EZR: variants seen among roughly 807,000 people sequenced by gnomAD.
The protein encoded by EZR is ezrin.
EZR carries 40 observed loss-of-function variants against 74.8 expected under a neutral mutation model. The observed-to-expected ratio is 0.53, with a 90% CI of 0.42 to 0.70. The LOEUF (loss-of-function observed/expected upper bound fraction) is 0.70. EZR is among the 30% of genes least tolerant of loss of function. EZR has a pLI of 0.00. For synonymous variants in EZR, 341 were observed against 283.3 expected (o/e 1.20, Z -2.05); for missense variants, 678 against 755.8 (o/e 0.90, Z 1.21).
intron 2 of EZR, among the ~76,000 whole-genome samples, chr6:158,804,779 ATACTT>A (rs1399590842): frequency 6.8e-6 from 1 of 147,810 alleles, no homozygotes; most frequent in East Asian, 1.9e-4. Flanking sequence ...TTTTTTTATT[ATACTT>A]TAAGTTTTAG....
intron 2 of EZR, among the ~76,000 whole-genome samples, chr6:158,804,853 G>C (rs1040681528): frequency 6.7e-6 from 1 of 150,268 alleles, no homozygotes; most frequent in Admixed American, 6.6e-5. Context: ...ATGCTGGTGC[G>C]CTGCACCCAC....
At chr6:158,799,725 T>C (rs192591890) in intron 2 of EZR, among the ~76,000 whole-genome samples, 27 of 152,394 alleles carry the variant, frequency 1.8e-4, no homozygotes, top group African/African-American at 6.3e-4. Context: ...ACCAGCTTAG[T>C]GCAGAAATGC....
chr6:158,769,715 T>G (rs2128564629), intron 11 of EZR, 69 bp downstream of exon 11: 6 of 1,566,922 alleles, frequency 3.8e-6, no homozygotes, highest in Non-Finnish European at 5.2e-6. Flanking sequence ...ACAAGGCAGG[T>G]GTCACATTTT....
chr6:158,816,222 G>T (rs1777551007), intron 2 of EZR, among the ~76,000 whole-genome samples: 1 of 152,186 alleles, frequency 6.6e-6, no homozygotes, highest in South Asian at 2.1e-4. Context: ...AATCTGGGAA[G>T]ATAAAGTTCT....
At position 158,770,791 on chromosome 6, in the gene EZR, CAT is replaced by C; in HGVS notation, c.1061_1062del (p.Tyr354Ter). 1.9e-6 allele frequency: 3 copies of C among 1,614,188 alleles called. No homozygotes were observed. Among genetic ancestry groups the C allele is most frequent in the Non-Finnish European group, 2.5e-6 (3 of 1,180,034 alleles). On this transcript the variant is annotated frameshift_variant, in exon 10 of 14. Transcript: ENST00000367075. LOFTEE classifies it high-confidence loss of function. The stretch of plus-strand genomic sequence containing the variant: ...CTCTCTGCCTTCTTTGTCTTCTCCT[CAT>C]AGTCCTGCAGCCGCAGCATCAACTC... Reference protein sequence around the residue: ...KEELMLRLQDYEEKTKKAERE... With the variant: ...KEELMLRLQDXEEKTKKAERE...
chr6:158,818,491 T>TG (rs2128578915), intron 1 of EZR, among the ~76,000 whole-genome samples: 1 of 40,022 alleles, frequency 2.5e-5, no homozygotes, highest in Non-Finnish European at 4.9e-5. Flanking sequence ...AAGGGGCTGG[T>TG]GGGGGGCGCA....
At chr6:158,769,622 T>C (rs1330214494) in intron 11 of EZR, among the ~76,000 whole-genome samples, 162 bp downstream of exon 11, 1 of 152,090 alleles carries the variant, frequency 6.6e-6, no homozygotes, top group Non-Finnish European at 1.5e-5. Flanking sequence ...TGGGTGACCC[T>C]GGCAACAGCC....
chr6:158,769,280 C>T (rs1791018466), intron 12 of EZR, 46 bp downstream of exon 12: 6 of 1,568,994 alleles, frequency 3.8e-6, no homozygotes, highest in East Asian at 4.5e-5. Context: ...GGCAATTGGG[C>T]AACAGGTGCT....
chr6:158,791,692 A>C (rs1791750617), intron 2 of EZR, among the ~76,000 whole-genome samples: 1 of 143,048 alleles, frequency 7.0e-6, no homozygotes, highest in Admixed American at 7.1e-5. Context: ...CATGCACACG[A>C]GATTTCAGAC....
At chr6:158,797,083 T>C (rs1777089590) in intron 2 of EZR, among the ~76,000 whole-genome samples, 1 of 152,220 alleles carries the variant, frequency 6.6e-6, no homozygotes, top group African/African-American at 2.4e-5. Flanking sequence ...CAATTTTTCC[T>C]TTGGGAAGCA....
chr6:158,795,030 C>T (rs879619202), intron 2 of EZR, among the ~76,000 whole-genome samples: 14 of 152,260 alleles, frequency 9.2e-5, no homozygotes, highest in South Asian at 2.1e-4. Context: ...GCAGGCAGAT[C>T]ACTTGATGTC....
chr6:158,780,464 T>C (rs1485455758), intron 7 of EZR, among the ~76,000 whole-genome samples: 1 of 152,100 alleles, frequency 6.6e-6, no homozygotes, highest in Non-Finnish European at 1.5e-5. Context: ...AGGGTGACAG[T>C]GGAGTGCATA....
intron 2 of EZR, among the ~76,000 whole-genome samples, chr6:158,814,813 T>C (rs1415611074): frequency 6.6e-6 from 1 of 152,180 alleles, no homozygotes; most frequent in Non-Finnish European, 1.5e-5. Flanking sequence ...AGTGCTGGGA[T>C]TACTGCCATG....
intron 10 of EZR, among the ~76,000 whole-genome samples, 194 bp from the exon 11 acceptor site, chr6:158,770,138 G>A (rs1461037855): frequency 6.6e-6 from 1 of 152,222 alleles, no homozygotes; most frequent in Non-Finnish European, 1.5e-5. Context: ...TCCTCAAGAT[G>A]GCTAGAAACC....
At chr6:158,784,857 T>C (rs1311701258) in intron 5 of EZR, 130 bp from the exon 6 acceptor site, 11 of 723,626 alleles carry the variant, frequency 1.5e-5, no homozygotes, top group Non-Finnish European at 1.9e-5. Context: ...AGCTTTGGTT[T>C]CTATTTCCTG....
intron 7 of EZR, among the ~76,000 whole-genome samples, chr6:158,777,367 C>T (rs1271331638): frequency 2.6e-5 from 4 of 152,260 alleles, no homozygotes; most frequent in African/African-American, 9.6e-5. Flanking sequence ...GAAGGCCCCA[C>T]AGGGCTAATC....
chr6:158,806,614 A>C (rs1777346318), intron 2 of EZR, among the ~76,000 whole-genome samples: 1 of 151,962 alleles, frequency 6.6e-6, no homozygotes, highest in South Asian at 2.1e-4. Context: ...ATTTAAAACA[A>C]TTCCTTAATA....
chr6:158,800,333 T>C (rs139660601), intron 2 of EZR, among the ~76,000 whole-genome samples: 1 of 152,166 alleles, frequency 6.6e-6, no homozygotes, highest in Non-Finnish European at 1.5e-5. Flanking sequence ...TTCCCGCCCA[T>C]AGCAGTGGCC....
chr6:158,787,296 G>T, intron 3 of EZR, 93 bp from the exon 4 acceptor site: 1 of 994,018 alleles, frequency 1.0e-6, no homozygotes, highest in Non-Finnish European at 1.5e-6. Context: ...GTCTAGCAGA[G>T]TCCCCAGGAA....
Sources: gnomAD v4.1 joint callset for allele counts (sites outside exome capture counted in the v4.1 genomes callset) on GRCh38, gnomAD v4.1.1 for gene constraint, MANE v1.5 for transcripts, NCBI Gene and HGNC (gene_info 2026-07-23, HGNC 2026-07-21) for gene names.